MYOCD: variants seen among roughly 807,000 people sequenced by gnomAD.
MYOCD encodes myocardin.
MYOCD carries 32 observed loss-of-function variants against 96.1 expected under a neutral mutation model. The observed-to-expected ratio is 0.33, with a 90% confidence interval of 0.25 to 0.45. The LOEUF (loss-of-function observed/expected upper bound fraction) is 0.45, where lower values mean the gene tolerates loss of function less well. Ranked by LOEUF, MYOCD falls within the 20% of genes least tolerant of loss-of-function variation. The probability of loss-of-function intolerance (pLI) is 1.00; values close to 1 mark genes in which losing one functional copy is unlikely to be tolerated. For missense variants in MYOCD, 1,133 were observed against 1,200.6 expected (o/e 0.94, Z 0.83); for synonymous variants, 469 against 469.0 (o/e 1.00, Z 0.00).
intron 9 of MYOCD, among the ~76,000 whole-genome samples, chr17:12,747,295 G>A (rs2032694065): frequency 6.6e-6 from 1 of 152,118 alleles, no homozygotes; most frequent in African/African-American, 2.4e-5. Flanking sequence ...GAGAGAACGT[G>A]GCTGGACTTG....
rs1035432684 is a variant in MYOCD, at chr17:12,763,979, C to A, written c.*335C>A. ...TTCTCAGGCATTGTTGGGGCATAAG[C>A]TCACACTGTAAGCTTTTCTCATGAA... On this transcript the variant is annotated 3_prime_UTR_variant, in exon 14 of 14. Transcript: ENST00000425538. 1.5e-5 allele frequency: 3 copies of A among 201,170 alleles called. No homozygotes were observed. Among genetic ancestry groups the A allele is most frequent in the African/African-American group, 7.0e-5 (3 of 42,804 alleles). 12.5% of individuals were successfully genotyped at this position (201,170 alleles called of 1,614,324 possible). A position where few individuals can be genotyped will look rare whatever the true frequency, so the allele number is the denominator to read the frequency against.
chr17:12,675,175 G>T (rs1909941138), intron 1 of MYOCD, among the ~76,000 whole-genome samples: 1 of 152,128 alleles, frequency 6.6e-6, no homozygotes, highest in Non-Finnish European at 1.5e-5. Flanking sequence ...AATGCAAAGT[G>T]AAAGATCTAG....
chr17:12,716,910 T>C (rs2031656749), intron 3 of MYOCD, among the ~76,000 whole-genome samples: 1 of 145,616 alleles, frequency 6.9e-6, no homozygotes, highest in Admixed American at 7.2e-5. Context: ...GGATCACTTG[T>C]GCCCAGGAGG....
chr17:12,713,024 C>A (rs1428244137), intron 2 of MYOCD, among the ~76,000 whole-genome samples: 3 of 152,140 alleles, frequency 2.0e-5, no homozygotes, highest in African/African-American at 7.2e-5. Context: ...CAACCCCAGG[C>A]CCATGGCAGG....
At chr17:12,704,159 T>C (rs2031195601) in intron 1 of MYOCD, among the ~76,000 whole-genome samples, 2 of 152,158 alleles carry the variant, frequency 1.3e-5, no homozygotes, top group South Asian at 4.1e-4. Context: ...TCTGTTGCAG[T>C]CCTCTGGAAA....
intron 9 of MYOCD, among the ~76,000 whole-genome samples, chr17:12,749,291 G>A (rs568562561): frequency 1.3e-5 from 2 of 152,192 alleles, no homozygotes; most frequent in East Asian, 3.9e-4. Flanking sequence ...CGTTTGGGAG[G>A]CCAAGGTGGG....
rs71144920 is a variant in MYOCD at position 12,719,174 on chromosome 17, C to CAAAAAAAAAAAAAAAAAAA, written c.253+1765_253+1783dup. On this transcript the variant is annotated intron_variant, in intron 4 of 13. Transcript: ENST00000425538. ...GGGGCCACAGAGGGAGACTCTGTCT[C>CAAAAAAAAAAAAAAAAAAA]AAAAAAAAAAAAAAAAAAAAAAAAA... Among the ~76,000 whole-genome samples the CAAAAAAAAAAAAAAAAAAA allele has an allele frequency of 6.1e-4, 30 of 49,160 alleles. 1 individual carries two copies. Among genetic ancestry groups the CAAAAAAAAAAAAAAAAAAA allele is most frequent in the Admixed American group, 1.1e-3 (4 of 3,632 alleles). 32.3% of individuals were successfully genotyped at this position (49,160 alleles called of 152,430 possible).
At chr17:12,668,038 A>G (rs1177094448) in intron 1 of MYOCD, among the ~76,000 whole-genome samples, 1 of 152,222 alleles carries the variant, frequency 6.6e-6, no homozygotes, top group Non-Finnish European at 1.5e-5. Context: ...AACAAGTGGA[A>G]TGTAAAACTT....
At chr17:12,686,846 G>A (rs1416867159) in intron 1 of MYOCD, among the ~76,000 whole-genome samples, 1 of 152,222 alleles carries the variant, frequency 6.6e-6, no homozygotes, top group Non-Finnish European at 1.5e-5. Context: ...GCTCTCTCCT[G>A]GATTTGAGAG....
intron 4 of MYOCD, among the ~76,000 whole-genome samples, chr17:12,718,997 A>G (rs1222114358): frequency 6.6e-6 from 1 of 151,468 alleles, no homozygotes; most frequent in Non-Finnish European, 1.5e-5. Context: ...AACACCGTGA[A>G]ACCCCATCTC....
intron 1 of MYOCD, among the ~76,000 whole-genome samples, chr17:12,694,596 T>C (rs990325148): frequency 6.6e-6 from 1 of 152,038 alleles, no homozygotes; most frequent in African/African-American, 2.4e-5. Flanking sequence ...GTAGCTTCCA[T>C]GTGATAGGAG....
chr17:12,682,009 A>G (rs1357055848), intron 1 of MYOCD, among the ~76,000 whole-genome samples: 1 of 152,220 alleles, frequency 6.6e-6, no homozygotes, highest in African/African-American at 2.4e-5. Context: ...TTAGCACTCC[A>G]CACAAAAATC....
intron 1 of MYOCD, among the ~76,000 whole-genome samples, chr17:12,691,560 G>C (rs527673952): frequency 6.6e-6 from 1 of 152,112 alleles, no homozygotes; most frequent in South Asian, 2.1e-4. Flanking sequence ...TCTGAGCTGA[G>C]CATCCCTTAT....
intron 6 of MYOCD, among the ~76,000 whole-genome samples, chr17:12,736,703 A>C (rs557984101): frequency 6.6e-6 from 1 of 152,322 alleles, no homozygotes; most frequent in South Asian, 2.1e-4. Context: ...AGCAGGACTG[A>C]TTCAAAGTTC....
chr17:12,734,284 C>A (rs1048778591), intron 5 of MYOCD, among the ~76,000 whole-genome samples: 1 of 152,026 alleles, frequency 6.6e-6, no homozygotes, highest in Non-Finnish European at 1.5e-5. Flanking sequence ...AGCTCTCAGA[C>A]TGAGGGTCCT....
At chr17:12,759,671 ACT>A (rs1443417383) in intron 12 of MYOCD, among the ~76,000 whole-genome samples, 5 of 151,830 alleles carry the variant, frequency 3.3e-5, no homozygotes, top group African/African-American at 1.2e-4. Context: ...CAGAAATAAG[ACT>A]CTACTGAGAT....
chr17:12,732,427 C>G (rs781781866), intron 5 of MYOCD, among the ~76,000 whole-genome samples: 2 of 152,172 alleles, frequency 1.3e-5, no homozygotes, highest in Non-Finnish European at 2.9e-5. Flanking sequence ...CCATTCAATC[C>G]CACCTCCTCC....
intron 9 of MYOCD, 90 bp from the exon 10 acceptor site, chr17:12,752,324 T>C: frequency 4.5e-6 from 5 of 1,123,504 alleles, no homozygotes; most frequent in Non-Finnish European, 6.3e-6. Context: ...AGAATTCCAT[T>C]TGTGATGTTT....
intron 2 of MYOCD, among the ~76,000 whole-genome samples, chr17:12,711,978 C>T (rs2031494548): frequency 6.8e-6 from 1 of 146,238 alleles, no homozygotes; most frequent in Non-Finnish European, 1.5e-5. Context: ...GGCTGGAATG[C>T]AGTGGCGCGA....
Sources: allele counts gnomAD v4.1 joint callset (sites outside exome capture counted in the v4.1 genomes callset), GRCh38; gene constraint gnomAD v4.1.1; transcripts MANE v1.5; gene names NCBI Gene and HGNC (gene_info 2026-07-23, HGNC 2026-07-21).